The following KHNYN variants were observed in gnomAD, a reference collection of about 807,000 sequenced individuals.
KHNYN encodes KH and NYN domain containing, also known as protein KHNYN.
In KHNYN, 42 loss-of-function variants were observed where a neutral mutation model predicts 62.7. That is an observed-to-expected ratio of 0.67 (90% CI 0.52 to 0.87). KHNYN has a LOEUF of 0.87. Among genes scored for constraint, KHNYN ranks in the 40% least tolerant of loss-of-function variants. The probability of loss-of-function intolerance (pLI) is 0.00; values close to 1 mark genes in which losing one functional copy is unlikely to be tolerated. For missense variants in KHNYN, 829 were observed against 874.1 expected (o/e 0.95, Z 0.65); for synonymous variants, 347 against 345.6 (o/e 1.00, Z -0.04).
Position 24,440,496 on chromosome 14 carries a change from G to T in KHNYN, c.*3211G>T. 6.3e-7 allele frequency: 1 copy of T among 1,597,882 alleles called. No homozygotes were observed. The stretch of plus-strand genomic sequence containing the variant: ...CCCCCACGGCCCAGCACAACCCCTA[G>T]AGCAGGAAAGAGGGAAGGTACAGGG... On this transcript the variant is annotated 3_prime_UTR_variant, in exon 8 of 8. Transcript: ENST00000553935.
Position 24,430,719 on chromosome 14 carries a change from G to A in KHNYN, c.-12G>A, listed in dbSNP as rs375814803. 42 of 1,554,966 alleles carry A rather than the reference G, an allele frequency of 2.7e-5. No homozygotes were observed. The African/African-American group carries it at 5.7e-4, about 21-fold the overall frequency. On this transcript the variant is annotated 5_prime_UTR_variant, in exon 2 of 8. Transcript: ENST00000553935. The stretch of plus-strand genomic sequence containing the variant: ...GCTGCCTTCTCCCCTTCCAGGGCTG[G>A]GGGCAGCAGCCATGCCTACCTGGGG...
Position 24,432,477 on chromosome 14 carries a change from G to C in KHNYN, c.1216G>C (p.Gly406Arg). The C allele has an allele frequency of 6.2e-7, 1 of 1,613,736 alleles. No homozygotes were observed. The highest frequency in any genetic ancestry group is 8.5e-7 in the Non-Finnish European group (1 of 1,179,962). ...RGPQWKRGAR[G>R]GNLVTGTQRF... Reference sequence around the variant, plus strand: ...GCCTCAATGGAAACGAGGCGCCCGAGGGGGCAACTTGGTGACTGGCACACA... The same window carrying C: ...GCCTCAATGGAAACGAGGCGCCCGACGGGGCAACTTGGTGACTGGCACACA... The change falls in exon 3 of 8, where the codon GGG (glycine) becomes CGG (arginine). Residue 406 changes from glycine (G) to arginine (R), a missense_variant. Coordinates refer to ENST00000553935, the MANE Select transcript of KHNYN (RefSeq NM_015299.3). The surrounding 1 kb of genome is among the most constrained non-coding windows in gnomAD (Gnocchi z 5.6).
In KHNYN at chr14:24,437,019, G is replaced by T. The variant is rs1305609987; in HGVS notation, c.1788-17G>T. 1 of 1,600,812 alleles carries T rather than the reference G, an allele frequency of 6.2e-7. No homozygotes were observed. Among genetic ancestry groups the T allele is most frequent in the South Asian group, 1.1e-5 (1 of 90,046 alleles). On this transcript the variant is annotated splice_polypyrimidine_tract_variant and intron_variant, in intron 7 of 7. Transcript: ENST00000553935. This position sits in a 1 kb window ranked among gnomAD's most constrained non-coding sequence, Gnocchi z 5.5. ...CCCAGGATGCTCATCAGCTCTTTTT[G>T]GTCTGTTTCTTCCCAGGACACAGGG...
Position 24,430,920 on chromosome 14 carries a change from A to T in KHNYN, c.190A>T (p.Ser64Cys). The T allele has an allele frequency of 1.2e-6, 2 of 1,613,012 alleles. No individual in the cohort carries two copies. The highest frequency in any genetic ancestry group is 1.7e-6 in the Non-Finnish European group (2 of 1,179,134). Reference protein sequence around the residue: ...LQLEGPKENASRAKEYLKGLC... With the variant: ...LQLEGPKENACRAKEYLKGLC... ...GCTGGAGGGCCCCAAGGAAAACGCC[A>T]GCAGAGCCAAGGTGAACGCCTTCTC... is the stretch of plus-strand genomic sequence containing the variant. Residue 64 changes from serine to cysteine, a missense_variant, in exon 2 of 8, where the codon AGC becomes TGC. Coordinates refer to ENST00000553935, the MANE Select transcript of KHNYN (RefSeq NM_015299.3).
upstream of KHNYN, chr14:24,429,601 C>G: frequency 1.1e-6 from 1 of 914,908 alleles, no homozygotes; most frequent in Non-Finnish European, 1.4e-6. Context: ...CCGCCTCCCG[C>G]CTACCCCCTC....
chr14:24,441,557 C>T lies in KHNYN; in HGVS notation c.*4272C>T, dbSNP rs1442728742. The T allele has an allele frequency of 7.3e-6, 6 of 817,398 alleles. No individual in the cohort carries two copies. The highest frequency in any genetic ancestry group is 1.7e-5 in the African/African-American group (1 of 59,882). The allele number at this position is 817,398 out of a possible 1,614,324, so 50.6% of individuals were successfully genotyped here. A position where few individuals can be genotyped will look rare whatever the true frequency, so the allele number is the denominator to read the frequency against. ...AGGAGAAACATGCATGGATCAAGGGCCTAGGAAGTCATTTTGCCTGGAAAA... is the reference window on the plus strand; with the variant it reads ...AGGAGAAACATGCATGGATCAAGGGTCTAGGAAGTCATTTTGCCTGGAAAA... On this transcript the variant is annotated 3_prime_UTR_variant, in exon 8 of 8. Transcript: ENST00000553935.
At chr14:24,433,550 T>C (rs1380436314) in intron 5 of KHNYN, among the ~76,000 whole-genome samples, 1 of 152,154 alleles carries the variant, frequency 6.6e-6, no homozygotes, top group Non-Finnish European at 1.5e-5. Context: ...CAAGTAGCAC[T>C]ACTCATTGAC....
In KHNYN at chr14:24,441,138, G is replaced by A; in HGVS notation, c.*3853G>A. 1 of 678,496 alleles carries A rather than the reference G, an allele frequency of 1.5e-6. No individual in the cohort carries two copies. Among genetic ancestry groups the A allele is most frequent in the Non-Finnish European group, 2.7e-6 (1 of 374,462 alleles). 42.0% of individuals were successfully genotyped at this position (678,496 alleles called of 1,614,324 possible). A position where few individuals can be genotyped will look rare whatever the true frequency, so the allele number is the denominator to read the frequency against. ...GGTTGCAGGGCTAAACTTAGAGGCT[G>A]CTAGAGTGTAGTGGTTAAGAACAGG... is the stretch of plus-strand genomic sequence containing the variant. On this transcript the variant is annotated 3_prime_UTR_variant, in exon 8 of 8. Transcript: ENST00000553935.
intron 5 of KHNYN, 26 bp from the exon 6 acceptor site, chr14:24,436,046 C>T (rs1439671036): frequency 2.2e-5 from 35 of 1,585,840 alleles, no homozygotes; most frequent in Non-Finnish European, 3.0e-5. Context: ...TCAACCCTCT[C>T]TCGGTTGCTG....
Position 24,431,446 on chromosome 14 carries a change from C to T in KHNYN, c.202-17C>T. 1 of 1,542,086 alleles carries T rather than the reference C, an allele frequency of 6.5e-7. No individual in the cohort carries two copies. Among genetic ancestry groups the T allele is most frequent in the Non-Finnish European group, 8.8e-7 (1 of 1,140,682 alleles). Reference sequence around the variant, plus strand: ...CAGTTAGTTTACTTTTCCTGACCTTCCCTTCCTCCCAACCAGGAGTACCTG... The same window carrying T: ...CAGTTAGTTTACTTTTCCTGACCTTTCCTTCCTCCCAACCAGGAGTACCTG... On this transcript the variant is annotated splice_polypyrimidine_tract_variant and intron_variant, in intron 2 of 7. Coordinates refer to ENST00000553935, the MANE Select transcript of KHNYN (RefSeq NM_015299.3).
chr14:24,437,174 G>C lies in KHNYN; in HGVS notation c.1926G>C (p.Leu642=). 6.2e-7 allele frequency: 1 copy of C among 1,614,212 alleles called. No homozygotes were observed. The highest frequency in any genetic ancestry group is 8.5e-7 in the Non-Finnish European group (1 of 1,180,040). ...TRETERLRRQ[L]LEVFWGQDHK... Reference sequence around the variant, plus strand: ...AAACAGAGCGGCTCCGGCGGCAGCTGCTGGAGGTGTTTTGGGGTCAGGATC... The same window carrying C: ...AAACAGAGCGGCTCCGGCGGCAGCTCCTGGAGGTGTTTTGGGGTCAGGATC... Residue 642 remains leucine (L), a synonymous_variant, in exon 8 of 8, where the codon CTG becomes CTC. Transcript: ENST00000553935. This position sits in a 1 kb window ranked among gnomAD's most constrained non-coding sequence, Gnocchi z 5.5.
At chr14:24,427,663 T>A, upstream of KHNYN, 1 of 866,788 alleles carries the variant, frequency 1.2e-6, no homozygotes, top group Non-Finnish European at 1.9e-6. The surrounding 1 kb of genome is among the most constrained non-coding windows in gnomAD (Gnocchi z 4.4). Flanking sequence ...TGGCACAGGG[T>A]CCCATGCAAA....
upstream of KHNYN, among the ~76,000 whole-genome samples, chr14:24,424,863 C>G (rs2139363890): frequency 6.6e-6 from 1 of 152,326 alleles, no homozygotes; most frequent in South Asian, 2.1e-4. Context: ...AGAAGCCAGT[C>G]ACGTTTTGTT....
rs1229568063 is a variant in KHNYN at position 24,437,767 on chromosome 14, G to A, written c.*482G>A. 1.3e-5 allele frequency: 2 copies of A among 153,410 alleles called. No individual in the cohort carries two copies. Among genetic ancestry groups the A allele is most frequent in the Admixed American group, 6.5e-5 (1 of 15,326 alleles). 9.5% of individuals were successfully genotyped at this position (153,410 alleles called of 1,614,324 possible). On this transcript the variant is annotated 3_prime_UTR_variant, in exon 8 of 8. Transcript: ENST00000553935. The surrounding 1 kb of genome is among the most constrained non-coding windows in gnomAD (Gnocchi z 5.5). The stretch of plus-strand genomic sequence containing the variant: ...CACAGTGTTATGTGGACTGGGCCAC[G>A]ATAGGGTGGAGTGAGCTAGTGAAGA...
chr14:24,433,179 T>C, intron 5 of KHNYN, 147 bp downstream of exon 5: 2 of 718,698 alleles, frequency 2.8e-6, no homozygotes, highest in Non-Finnish European at 4.8e-6. Flanking sequence ...TGCCTTATGA[T>C]TGGGTAGGTA....
In KHNYN at chr14:24,436,482, C is replaced by T. The variant is rs1566501691; in HGVS notation, c.1780C>T (p.Pro594Ser). The T allele has an allele frequency of 1.2e-6, 2 of 1,611,576 alleles. No individual in the cohort carries two copies. Among genetic ancestry groups the T allele is most frequent in the Non-Finnish European group, 8.5e-7 (1 of 1,178,612 alleles). The change falls in exon 7 of 8, where the codon CCA (proline) becomes TCA (serine). Residue 594 changes from proline to serine, a missense_variant. Transcript: ENST00000553935. ...GPTLDEFLKK[P>S]ARTQGSSKAQ... is the part of the protein sequence containing the mutation. ...CACCCTGGATGAATTTCTGAAGAAGCCAGCCAGGTAATCAATCCCCTAGAC... is the reference window on the plus strand; with the variant it reads ...CACCCTGGATGAATTTCTGAAGAAGTCAGCCAGGTAATCAATCCCCTAGAC...
rs748356585 is a variant in KHNYN at position 24,440,837 on chromosome 14, C to T, written c.*3552C>T. ...TCTCCAGGAAGCCTGGCTGCAGCTT[C>T]CCATTTGGTTACGAGGTTGGAGAAA... On this transcript the variant is annotated 3_prime_UTR_variant, in exon 8 of 8. Transcript: ENST00000553935. 3 of 1,613,710 alleles carry T rather than the reference C, an allele frequency of 1.9e-6. 1 individual carries two copies. In the Admixed American group the frequency reaches 5.0e-5, roughly 27 times the overall value.
At chr14:24,428,408 G>A, upstream of KHNYN, 1 of 1,613,390 alleles carries the variant, frequency 6.2e-7, no homozygotes, top group Non-Finnish European at 8.5e-7. Context: ...ACCAGGACCT[G>A]GGGGAAGCAG....
chr14:24,426,439 G>T (rs2043020845), upstream of KHNYN: 1 of 152,048 alleles, frequency 6.6e-6, no homozygotes, highest in Non-Finnish European at 1.5e-5. Context: ...TCCTGATGTT[G>T]TTTTTAGGAT....
Sources: allele counts gnomAD v4.1 joint callset (sites outside exome capture counted in the v4.1 genomes callset), GRCh38; gene constraint gnomAD v4.1.1; non-coding constraint Gnocchi (gnomAD v3.1); transcripts MANE v1.5; gene names NCBI Gene and HGNC (gene_info 2026-07-23, HGNC 2026-07-21).